NCKAP5: variants seen among roughly 807,000 people sequenced by gnomAD.
NCKAP5 encodes the protein NCK associated protein 5, also known as nck-associated protein 5.
In NCKAP5, 92 loss-of-function variants were observed where a neutral mutation model predicts 167.0. The observed-to-expected ratio is 0.55, with a 90% CI of 0.47 to 0.66. NCKAP5 has a LOEUF of 0.66. Ranked by LOEUF, NCKAP5 falls within the 30% of genes least tolerant of loss-of-function variation. The pLI is 0.00. For synonymous variants in NCKAP5, 891 were observed against 877.4 expected (o/e 1.02, Z -0.27); for missense variants, 2,378 against 2,315.0 (o/e 1.03, Z -0.56).
intron 3 of NCKAP5, among the ~76,000 whole-genome samples, chr2:133,402,901 A>G (rs567502801): frequency 2.6e-5 from 4 of 152,334 alleles, no homozygotes; most frequent in African/African-American, 9.6e-5. Context: ...TAATACAGTG[A>G]CAATGCATCC....
intron 19 of NCKAP5, among the ~76,000 whole-genome samples, chr2:132,690,919 A>G (rs1360336314): frequency 6.6e-6 from 1 of 152,112 alleles, no homozygotes; most frequent in Non-Finnish European, 1.5e-5. Context: ...TCCAGCTTCT[A>G]GACTCTAATG....
At chr2:133,506,539 G>T (rs1321416173) in intron 3 of NCKAP5, among the ~76,000 whole-genome samples, 1 of 152,168 alleles carries the variant, frequency 6.6e-6, no homozygotes, top group African/African-American at 2.4e-5. Flanking sequence ...AGAATGAAGT[G>T]GGAGTGTTCA....
chr2:132,735,976 A>T (rs1221359278), intron 16 of NCKAP5, among the ~76,000 whole-genome samples: 2 of 152,206 alleles, frequency 1.3e-5, no homozygotes, highest in African/African-American at 4.8e-5. Flanking sequence ...CAATATTGTT[A>T]TACCAGAGCC....
chr2:133,352,284 A>G lies in NCKAP5; in HGVS notation c.70-49174T>C, dbSNP rs561331426. ...ACTCCCTGACTAGAATGGAAGCCCC[A>G]TGAGGGCAGGGATTTTTGTCTGTTC... On this transcript the variant is annotated intron_variant, in intron 3 of 19. Transcript: ENST00000409261. 4.6e-5 allele frequency among the ~76,000 whole-genome samples: 7 copies of G among 152,348 alleles called. No homozygotes were observed. The South Asian group carries it at 1.2e-3, about 27-fold the overall frequency.
intron 6 of NCKAP5, among the ~76,000 whole-genome samples, chr2:132,999,264 C>A (rs2077702344): frequency 6.6e-6 from 1 of 152,140 alleles, no homozygotes; most frequent in South Asian, 2.1e-4. Flanking sequence ...GAAGCAAAAA[C>A]CTTGCTTAAG....
chr2:133,088,686 T>C (rs2081074922), intron 6 of NCKAP5, among the ~76,000 whole-genome samples: 1 of 152,170 alleles, frequency 6.6e-6, no homozygotes, highest in African/African-American at 2.4e-5. Context: ...TAATATAATT[T>C]ACCTACAACA....
intron 6 of NCKAP5, among the ~76,000 whole-genome samples, chr2:133,056,016 T>TG (rs921191546): frequency 6.6e-6 from 1 of 152,218 alleles, no homozygotes; most frequent in Non-Finnish European, 1.5e-5. Context: ...CACTTATCCC[T>TG]GTGCCAATGT....
At chr2:133,456,495 T>C (rs1008394712) in intron 3 of NCKAP5, among the ~76,000 whole-genome samples, 1 of 152,186 alleles carries the variant, frequency 6.6e-6, no homozygotes, top group African/African-American at 2.4e-5. Context: ...TGCAGGCTCC[T>C]GATGACATCA....
In NCKAP5 at chr2:133,213,767, T is replaced by C; in HGVS notation, c.156A>G (p.Ala52=). 6.2e-7 allele frequency: 1 copy of C among 1,613,820 alleles called. No individual in the cohort carries two copies. The highest frequency in any genetic ancestry group is 8.5e-7 in the Non-Finnish European group (1 of 1,179,788). ...CAACTTCTCGCTGTAGTCGGGCCAC[T>C]GCCAACTTCTCCCTGAAGAAACAAA... is the stretch of plus-strand genomic sequence containing the variant. ...QHRSLWREKL[A]VARLQREVAQ... Residue 52 remains alanine, a synonymous_variant, in exon 5 of 20, where the codon GCA becomes GCG. Coordinates refer to ENST00000409261, the MANE Select transcript of NCKAP5 (RefSeq NM_207363.3).
At chr2:132,736,142 T>C (rs1691482786) in intron 16 of NCKAP5, among the ~76,000 whole-genome samples, 1 of 152,206 alleles carries the variant, frequency 6.6e-6, no homozygotes, top group South Asian at 2.1e-4. Context: ...CATTTGTAAG[T>C]ACCTATGAAG....
At position 132,963,821 on chromosome 2, in the gene NCKAP5, G is replaced by T. The variant is rs752220416; in HGVS notation, c.478C>A (p.Leu160Ile). Residue 160 changes from leucine to isoleucine, a missense_variant, in exon 8 of 20, where the codon CTT becomes ATT. By Grantham distance (5) the Leu-to-Ile change is conservative (BLOSUM62 2). Coordinates refer to ENST00000409261, the MANE Select transcript of NCKAP5 (RefSeq NM_207363.3). Reference sequence around the variant, plus strand: ...GAATCCTCATCAACCACCATGTGAAGATCTTCCAAAGCTTCCTTATGTTTT... The same window carrying T: ...GAATCCTCATCAACCACCATGTGAATATCTTCCAAAGCTTCCTTATGTTTT... ...ERKHKEALED[L>I]HMVVDEDSRS... The T allele has an allele frequency of 1.2e-6, 2 of 1,613,844 alleles. No homozygotes were observed. The highest frequency in any genetic ancestry group is 2.2e-5 in the South Asian group (2 of 91,080).
chr2:133,104,135 A>G (rs1490754839), intron 6 of NCKAP5, among the ~76,000 whole-genome samples: 1 of 151,958 alleles, frequency 6.6e-6, no homozygotes, highest in Non-Finnish European at 1.5e-5. Context: ...GGGGAAAACT[A>G]TAGATCTAAA....
chr2:133,181,603 C>CAAAAAAAAAAAAAAAA (rs34264277), intron 5 of NCKAP5, among the ~76,000 whole-genome samples: 22 of 71,150 alleles, frequency 3.1e-4, no homozygotes, highest in African/African-American at 6.9e-4. Context: ...CCCATCTCTA[C>CAAAAAAAAAAAAAAAA]AAAAAAAAAA....
chr2:133,445,137 T>G (rs764225553), intron 3 of NCKAP5, among the ~76,000 whole-genome samples: 21 of 152,182 alleles, frequency 1.4e-4, no homozygotes, highest in Non-Finnish European at 2.4e-4. Flanking sequence ...GCAATTTAAC[T>G]TTCTCATGTT....
chr2:133,660,799 T>G, the NCKAP5 span, among the ~76,000 whole-genome samples: 1 of 152,178 alleles, frequency 6.6e-6, no homozygotes. Flanking sequence ...AGCAGTCAAG[T>G]GTTTAATCTA....
At chr2:133,327,937 C>T (rs181160930) in intron 3 of NCKAP5, among the ~76,000 whole-genome samples, 8 of 152,210 alleles carry the variant, frequency 5.3e-5, no homozygotes, top group Non-Finnish European at 1.2e-4. Context: ...AGGGATGCTG[C>T]TAAGCATCCT....
chr2:133,386,174 T>C (rs1686952019), intron 3 of NCKAP5, among the ~76,000 whole-genome samples: 1 of 152,264 alleles, frequency 6.6e-6, no homozygotes, highest in African/African-American at 2.4e-5. Flanking sequence ...GGCTTTCTCT[T>C]GTGGGCATTT....
intron 1 of NCKAP5, among the ~76,000 whole-genome samples, 156 bp downstream of exon 1, chr2:133,568,060 C>T (rs1688693854): frequency 6.6e-6 from 1 of 152,076 alleles, no homozygotes; most frequent in South Asian, 2.1e-4. Context: ...ACTTTAGGGC[C>T]CTATAGTTAC....
chr2:132,879,225 G>A (rs6717083), intron 8 of NCKAP5, among the ~76,000 whole-genome samples: 80,434 of 152,078 alleles, frequency 0.53, 22,572 homozygotes, highest in East Asian at 0.81. Flanking sequence ...ATTTTATTCT[G>A]TGAAAATGTA....
Sources: allele counts gnomAD v4.1 joint callset (sites outside exome capture counted in the v4.1 genomes callset), GRCh38; gene constraint gnomAD v4.1.1; transcripts MANE v1.5; gene names NCBI Gene and HGNC (gene_info 2026-07-23, HGNC 2026-07-21).